Variants in ZFHX3 observed in about 807,000 individuals in gnomAD.
ZFHX3 encodes zinc finger homeobox 3.
Under a neutral mutation model 279.1 loss-of-function variants are expected in ZFHX3, and 42 were observed. That is an observed-to-expected ratio of 0.15 (90% CI 0.12 to 0.19). The LOEUF (loss-of-function observed/expected upper bound fraction) is 0.19. ZFHX3 is among the 10% of genes least tolerant of loss of function. ZFHX3 has a pLI of 1.00. For synonymous variants in ZFHX3, 2,293 were observed against 1,957.8 expected (o/e 1.17, Z -4.52); for missense variants, 4,981 against 4,754.0 (o/e 1.05, Z -1.40).
chr16:72,963,781 G>T (rs1380148930), intron 1 of ZFHX3, among the ~76,000 whole-genome samples: 1 of 152,166 alleles, frequency 6.6e-6, no homozygotes, highest in African/African-American at 2.4e-5. Context: ...AGGGAAGCTG[G>T]GGTGGGAGGG....
chr16:73,125,976 G>T (rs147044822), intron 7 of ZFHX3, among the ~76,000 whole-genome samples: 4 of 152,240 alleles, frequency 2.6e-5, no homozygotes, highest in African/African-American at 9.6e-5. Context: ...AATGGAGCCA[G>T]GATTTGAACC....
intron 2 of ZFHX3, among the ~76,000 whole-genome samples, chr16:73,468,872 C>G (rs1186438458): frequency 6.6e-6 from 1 of 152,192 alleles, no homozygotes; most frequent in Non-Finnish European, 1.5e-5. Flanking sequence ...AGGGTCAGCT[C>G]TGACTTTATC....
intron 4 of ZFHX3, among the ~76,000 whole-genome samples, chr16:72,841,016 T>G (rs2037332132): frequency 2.0e-5 from 3 of 152,150 alleles, no homozygotes; most frequent in Admixed American, 2.0e-4. Context: ...TATTTACAGG[T>G]TGCACATTCA....
chr16:73,195,837 T>G (rs188714508), intron 5 of ZFHX3, among the ~76,000 whole-genome samples: 35 of 152,292 alleles, frequency 2.3e-4, no homozygotes, highest in African/African-American at 8.2e-4. Context: ...GGGGCCTGAC[T>G]GAACAGGTGG....
chr16:73,050,979 A>G (rs372708700), upstream of ZFHX3, among the ~76,000 whole-genome samples: 9 of 152,230 alleles, frequency 5.9e-5, no homozygotes, highest in African/African-American at 2.2e-4. Context: ...CAATGATTCT[A>G]CCGAGCCAAA....
intron 4 of ZFHX3, among the ~76,000 whole-genome samples, chr16:72,884,451 A>G (rs776638046): frequency 6.6e-6 from 1 of 152,234 alleles, no homozygotes; most frequent in Non-Finnish European, 1.5e-5. Flanking sequence ...CAGTGTGTCC[A>G]TATTGAGAGT....
chr16:73,561,038 A>G (rs1011309913), intron 2 of ZFHX3, among the ~76,000 whole-genome samples: 11 of 152,252 alleles, frequency 7.2e-5, no homozygotes, highest in African/African-American at 2.7e-4. Context: ...ATATGTTAAA[A>G]TATTCAGTAA....
chr16:73,403,732 T>C (rs1309187130), intron 3 of ZFHX3, among the ~76,000 whole-genome samples: 1 of 152,106 alleles, frequency 6.6e-6, no homozygotes, highest in Non-Finnish European at 1.5e-5. Context: ...AATGGTAACT[T>C]CTTAAGTCAG....
rs1322158246 is a variant in ZFHX3, at chr16:72,786,397, T to TTG, written c.*765_*766dup. 2.0e-5 allele frequency: 3 copies of TTG among 151,812 alleles called. No individual in the cohort carries two copies. The South Asian group carries it at 6.3e-4, about 32-fold the overall frequency. The allele number at this position is 151,812 out of a possible 1,614,324, so 9.4% of individuals were successfully genotyped here. ...TTAAGCTACAAGTCCTCAACACTCTTTGTGTGTGTGGGTTATTATTTTTTT... is the reference window on the plus strand; with the variant it reads ...TTAAGCTACAAGTCCTCAACACTCTTTGTGTGTGTGTGGGTTATTATTTTTTT... On this transcript the variant is annotated 3_prime_UTR_variant, in exon 10 of 10. Transcript: ENST00000268489.
At chr16:73,496,791 G>A (rs987838109) in intron 2 of ZFHX3, among the ~76,000 whole-genome samples, 2 of 152,136 alleles carry the variant, frequency 1.3e-5, no homozygotes, top group African/African-American at 4.8e-5. Flanking sequence ...GGAGGCACTG[G>A]GAGGAGTCTG....
chr16:72,793,756 A>G lies in ZFHX3; in HGVS notation c.8926T>C (p.Cys2976Arg). The G allele has an allele frequency of 6.2e-7, 1 of 1,614,174 alleles. No homozygotes were observed. ...CCAATGTCATTGCCCAGGACCTCACATTCTAGCATAGTGGGTGTCCTGTAG... is the reference window on the plus strand; with the variant it reads ...CCAATGTCATTGCCCAGGACCTCACGTTCTAGCATAGTGGGTGTCCTGTAG... ...NDYRTPTMLE[C>R]EVLGNDIGLP... is the part of the protein sequence containing the mutation. The change falls in exon 9 of 10, where the codon TGT becomes CGT. Residue 2976 changes from cysteine to arginine, a missense_variant. By Grantham distance (180) the Cys-to-Arg change is radical. Around this residue, in one of 7 missense-constraint regions of ZFHX3, gnomAD observed 168 missense variants for 249.1 expected, o/e 0.67. Coordinates refer to ENST00000268489, the MANE Select transcript of ZFHX3 (RefSeq NM_006885.4). The surrounding 1 kb of genome is among the most constrained non-coding windows in gnomAD (Gnocchi z 4.3).
intron 7 of ZFHX3, among the ~76,000 whole-genome samples, chr16:73,113,249 T>C (rs1181948296): frequency 6.6e-6 from 1 of 151,354 alleles, no homozygotes; most frequent in Non-Finnish European, 1.5e-5. Flanking sequence ...CCAGAGGAAG[T>C]GAAGGGAGGA....
chr16:73,355,098 T>A (rs1199295706), intron 3 of ZFHX3, among the ~76,000 whole-genome samples: 1 of 152,164 alleles, frequency 6.6e-6, no homozygotes, highest in African/African-American at 2.4e-5. Flanking sequence ...AGAGGTGTGT[T>A]CGGGGGATAC....
intron 3 of ZFHX3, among the ~76,000 whole-genome samples, chr16:73,376,432 T>C (rs986930480): frequency 6.6e-6 from 1 of 152,234 alleles, no homozygotes; most frequent in Non-Finnish European, 1.5e-5. Context: ...TTTTCAGCCA[T>C]GTCAGCAAGG....
chr16:73,833,915 T>G (rs1961068890), intron 1 of ZFHX3, among the ~76,000 whole-genome samples: 2 of 151,716 alleles, frequency 1.3e-5, no homozygotes, highest in African/African-American at 4.8e-5. Flanking sequence ...TGTGTATATG[T>G]AATCTCAGTT....
intron 1 of ZFHX3, among the ~76,000 whole-genome samples, chr16:72,998,190 CGGG>C (rs1001613345): frequency 4.6e-5 from 7 of 152,138 alleles, no homozygotes; most frequent in African/African-American, 1.7e-4. Flanking sequence ...TACCTGAGGT[CGGG>C]AGTTTGAGAC....
rs376039802 is a variant in ZFHX3, at chr16:72,960,174, A to G, written c.-29T>C. On this transcript the variant is annotated 5_prime_UTR_variant, in exon 2 of 10. Coordinates refer to ENST00000268489, the MANE Select transcript of ZFHX3 (RefSeq NM_006885.4). ...AAGGCCTGCGTGGAGCTTTCATTGC[A>G]CCCAGTACGGAGGCTCGGACCTGAA... 7 of 1,529,434 alleles carry G rather than the reference A, an allele frequency of 4.6e-6. No homozygotes were observed. In the African/African-American group the frequency reaches 5.5e-5, roughly 12 times the overall value. 94.7% of individuals were successfully genotyped at this position (1,529,434 alleles called of 1,614,324 possible).
At chr16:73,723,743 A>G (rs866424499) in intron 1 of ZFHX3, among the ~76,000 whole-genome samples, 2 of 152,208 alleles carry the variant, frequency 1.3e-5, no homozygotes, top group African/African-American at 4.8e-5. Context: ...TATATGACCC[A>G]TGAAACAATG....
intron 1 of ZFHX3, among the ~76,000 whole-genome samples, chr16:73,741,322 C>T (rs778106044): frequency 2.5e-4 from 38 of 152,138 alleles, no homozygotes; most frequent in Non-Finnish European, 4.4e-4. Flanking sequence ...AAATGGACAG[C>T]AAGTGCCAAT....
Sources: gnomAD v4.1 joint callset for allele counts (sites outside exome capture counted in the v4.1 genomes callset) on GRCh38, gnomAD v4.1.1 for gene constraint, gnomAD v4.1.1 regional missense constraint, Gnocchi (gnomAD v3.1) non-coding constraint, MANE v1.5 for transcripts, NCBI Gene and HGNC (gene_info 2026-07-23, HGNC 2026-07-21) for gene names.